Variants in SRL observed in about 807,000 individuals in gnomAD.
SRL encodes the protein sarcalumenin.
In SRL, 23 loss-of-function variants were observed where a neutral mutation model predicts 39.5. The ratio of observed to expected loss-of-function variants is 0.58; its 90% CI spans 0.42 to 0.82. The LOEUF is 0.82. SRL is among the 40% of genes least tolerant of loss of function. The pLI, the probability that SRL is intolerant of heterozygous loss-of-function variation, is 0.00. For synonymous variants in SRL, 272 were observed against 237.4 expected (o/e 1.15, Z -1.34); for missense variants, 592 against 607.8 (o/e 0.97, Z 0.27).
intron 1 of SRL, among the ~76,000 whole-genome samples, chr16:4,225,025 G>A (rs1046928054): frequency 3.9e-5 from 6 of 152,248 alleles, no homozygotes; most frequent in East Asian, 1.9e-4. Context: ...CCATTTATAC[G>A]AAAGTCCAGA....
chr16:4,232,716 T>G (rs2052673054), intron 1 of SRL, among the ~76,000 whole-genome samples: 1 of 152,218 alleles, frequency 6.6e-6, no homozygotes, highest in African/African-American at 2.4e-5. Flanking sequence ...TTCTCCATGT[T>G]GCCCAAGGTA....
chr16:4,228,490 C>G (rs1049466370), intron 1 of SRL, among the ~76,000 whole-genome samples: 45 of 152,064 alleles, frequency 3.0e-4, no homozygotes, highest in Non-Finnish European at 8.8e-5. Flanking sequence ...AATCCCAGCA[C>G]TTTGGGAGGC....
chr16:4,192,934 A>T lies in SRL; in HGVS notation c.641T>A (p.Phe214Tyr), dbSNP rs1280903678. 6.2e-7 allele frequency: 1 copy of T among 1,613,198 alleles called. No individual in the cohort carries two copies. Among genetic ancestry groups the T allele is most frequent in the Non-Finnish European group, 8.5e-7 (1 of 1,179,642 alleles). ...GYPFNDVCQW[F>Y]IDRADLIFVV... ...AAAGATGAGGTCAGCTCTGTCGATG[A>T]ACCACTGGCACACGTCGTTGAAGGG... Residue 214 changes from phenylalanine to tyrosine, a missense_variant, in exon 6 of 6, where the codon TTC becomes TAC. By Grantham distance (22) the Phe-to-Tyr change is conservative. Transcript: ENST00000399609. This position sits in a 1 kb window ranked among gnomAD's most constrained non-coding sequence, Gnocchi z 4.0.
rs1161962861 is a variant in SRL at position 4,206,886 on chromosome 16, G to A, written c.62-2252C>T. 8 of 456,496 alleles carry A rather than the reference G, an allele frequency of 1.8e-5. No individual in the cohort carries two copies. In the East Asian group the frequency reaches 2.1e-4, roughly 12 times the overall value. The allele number at this position is 456,496 out of a possible 1,614,324, so 28.3% of individuals were successfully genotyped here. A position where few individuals can be genotyped will look rare whatever the true frequency, so the allele number is the denominator to read the frequency against. On this transcript the variant is annotated intron_variant, in intron 1 of 5. Transcript: ENST00000399609. ...GTGACTTGTGGTTCCTGTGGCTTCC[G>A]GAAGCTCTGCACCTTCCTGGGGTTC...
intron 1 of SRL, among the ~76,000 whole-genome samples, chr16:4,218,509 G>A (rs550915804): frequency 6.6e-6 from 1 of 152,266 alleles, no homozygotes; most frequent in African/African-American, 2.4e-5. Context: ...ACAGAGATGG[G>A]GCAGGAGCAG....
At chr16:4,194,050 A>G (rs1011626250) in intron 5 of SRL, among the ~76,000 whole-genome samples, 9 of 152,178 alleles carry the variant, frequency 5.9e-5, no homozygotes, top group Admixed American at 2.6e-4. Context: ...AGTTGTAACC[A>G]TAAACTGAGA....
At chr16:4,225,077 TG>T (rs749517208) in intron 1 of SRL, among the ~76,000 whole-genome samples, 40 of 152,040 alleles carry the variant, frequency 2.6e-4, no homozygotes, top group Non-Finnish European at 4.4e-4. Flanking sequence ...TAGTGGTTGC[TG>T]GGGGAGCAGG....
chr16:4,231,139 A>T (rs1394308103), intron 1 of SRL, among the ~76,000 whole-genome samples: 1 of 152,124 alleles, frequency 6.6e-6, no homozygotes, highest in African/African-American at 2.4e-5. Context: ...ACATGGCGAG[A>T]GCCCTGTCTC....
At position 4,192,731 on chromosome 16, in the gene SRL, C is replaced by G; in HGVS notation, c.844G>C (p.Val282Leu). The change falls in exon 6 of 6, where the codon GTC becomes CTC. Residue 282 changes from valine to leucine, a missense_variant. Transcript: ENST00000399609. This position sits in a 1 kb window ranked among gnomAD's most constrained non-coding sequence, Gnocchi z 4.0. ...ACGTAAACCCTTGGGGGCTCTGTGA[C>G]ATTGATGAGAGGGGCCAAGCTCCAG... ...LFWSLAPLIN[V>L]TEPPRVYVSS... is the part of the protein sequence containing the mutation. 6.2e-7 allele frequency: 1 copy of G among 1,614,166 alleles called. No individual in the cohort carries two copies. Among genetic ancestry groups the G allele is most frequent in the Non-Finnish European group, 8.5e-7 (1 of 1,180,042 alleles).
At chr16:4,200,097 A>C (rs1171600349) in intron 3 of SRL, among the ~76,000 whole-genome samples, 1 of 152,178 alleles carries the variant, frequency 6.6e-6, no homozygotes, top group Non-Finnish European at 1.5e-5. Context: ...AGTCCTAACC[A>C]GGTGGTGTCT....
rs755462733 is a variant in SRL at position 4,231,832 on chromosome 16, C to T, written c.61+10175G>A. 5.3e-5 allele frequency among the ~76,000 whole-genome samples: 8 copies of T among 152,298 alleles called. No individual in the cohort carries two copies. The Middle Eastern group carries it at 0.014, about 259-fold the overall frequency. On this transcript the variant is annotated intron_variant, in intron 1 of 5. Coordinates refer to ENST00000399609, the MANE Select transcript of SRL (RefSeq NM_001098814.2). ...CTCACAAGAGTGATAACCTGTCATT[C>T]TTGTCATAGTCCTTTTAAGCTTAGA...
At chr16:4,233,332 T>C (rs1331552895) in intron 1 of SRL, among the ~76,000 whole-genome samples, 2 of 152,222 alleles carry the variant, frequency 1.3e-5, no homozygotes, top group Non-Finnish European at 2.9e-5. Context: ...ACAAATCATC[T>C]GTCATTCATT....
At chr16:4,232,825 A>G (rs1010004966) in intron 1 of SRL, among the ~76,000 whole-genome samples, 1 of 152,158 alleles carries the variant, frequency 6.6e-6, no homozygotes, top group Non-Finnish European at 1.5e-5. Flanking sequence ...GGGAAATTCT[A>G]TGGGAGAAAA....
chr16:4,224,711 C>T (rs956743225), intron 1 of SRL, among the ~76,000 whole-genome samples: 7 of 151,106 alleles, frequency 4.6e-5, no homozygotes, highest in African/African-American at 1.7e-4. Flanking sequence ...CAGAGCAAGA[C>T]CCTATCTCGA....
At chr16:4,200,350 T>A (rs1048611887) in intron 3 of SRL, among the ~76,000 whole-genome samples, 1 of 152,208 alleles carries the variant, frequency 6.6e-6, no homozygotes, top group Non-Finnish European at 1.5e-5. Flanking sequence ...GTTCCGGTTC[T>A]CCGAGACAAA....
chr16:4,203,625 G>A (rs147262078), intron 2 of SRL, among the ~76,000 whole-genome samples: 2,495 of 152,214 alleles, frequency 0.016, 58 homozygotes, highest in African/African-American at 0.057. Context: ...GGGCTCAAGT[G>A]ATCCACCCAC....
intron 1 of SRL, among the ~76,000 whole-genome samples, chr16:4,241,190 C>T (rs146131732): frequency 6.6e-6 from 1 of 152,214 alleles, no homozygotes; most frequent in East Asian, 1.9e-4. Context: ...GGAGCACCTC[C>T]CTAAAAGCAT....
chr16:4,237,355 G>C (rs1567192827), intron 1 of SRL, among the ~76,000 whole-genome samples: 1 of 152,016 alleles, frequency 6.6e-6, no homozygotes, highest in African/African-American at 2.4e-5. Flanking sequence ...CCCCTGGCCT[G>C]GCTCCCAAGC....
intron 1 of SRL, among the ~76,000 whole-genome samples, chr16:4,218,858 G>A (rs1353709159): frequency 6.6e-6 from 1 of 152,238 alleles, no homozygotes; most frequent in Admixed American, 6.5e-5. Flanking sequence ...GGCAGAGCTA[G>A]GGCAGCAAGA....
Sources: allele counts gnomAD v4.1 joint callset (sites outside exome capture counted in the v4.1 genomes callset), GRCh38; gene constraint gnomAD v4.1.1; non-coding constraint Gnocchi (gnomAD v3.1); transcripts MANE v1.5; gene names NCBI Gene and HGNC (gene_info 2026-07-23, HGNC 2026-07-21).